Variants in SLC4A8 observed in about 807,000 individuals in gnomAD.
SLC4A8 encodes solute carrier family 4 member 8, also known as electroneutral sodium bicarbonate exchanger 1.
SLC4A8 carries 40 observed loss-of-function variants against 125.0 expected under a neutral mutation model. The ratio of observed to expected loss-of-function variants is 0.32; its 90% CI spans 0.25 to 0.42. SLC4A8 has a LOEUF of 0.42. Ranked by LOEUF, SLC4A8 falls within the 10% of genes least tolerant of loss-of-function variation. The pLI is 1.00. For synonymous variants in SLC4A8, 456 were observed against 476.0 expected (o/e 0.96, Z 0.55); for missense variants, 863 against 1,355.1 (o/e 0.64, Z 5.70).
chr12:51,463,548 C>T (rs190938664), intron 10 of SLC4A8, 66 bp from the exon 11 acceptor site: 499 of 1,241,028 alleles, frequency 4.0e-4, no homozygotes, highest in Non-Finnish European at 5.2e-4. Flanking sequence ...CATTCCCACT[C>T]CCTGCTGATA....
chr12:51,448,355 G>C (rs969150265), intron 2 of SLC4A8, among the ~76,000 whole-genome samples: 2 of 152,132 alleles, frequency 1.3e-5, no homozygotes, highest in African/African-American at 4.8e-5. Context: ...TTCAAGCCTA[G>C]GAAATTGAGA....
chr12:51,473,447 A>AT (rs1950765417), intron 14 of SLC4A8, among the ~76,000 whole-genome samples: 2 of 152,078 alleles, frequency 1.3e-5, no homozygotes, highest in African/African-American at 4.8e-5. Flanking sequence ...TTTGGAATTG[A>AT]TTTTTTTAAA....
chr12:51,425,012 C>G lies in SLC4A8; in HGVS notation c.25C>G (p.Pro9Ala). The change falls in exon 1 of 25, where the codon CCG (proline) becomes GCG (alanine). Residue 9 changes from proline to alanine, a missense_variant. By Grantham distance (27) the Pro-to-Ala change is conservative. Coordinates refer to ENST00000453097, the MANE Select transcript of SLC4A8 (RefSeq NM_001039960.3). Reference protein sequence around the residue: MPAAGSNEPDGVLSYQRPD... With the variant: MPAAGSNEADGVLSYQRPD... ...CATGCCGGCCGCCGGGAGTAACGAG[C>G]CGGACGGCGTCCTCAGCTATCAGGT... is the stretch of plus-strand genomic sequence containing the variant. The G allele has an allele frequency of 1.3e-6, 2 of 1,556,582 alleles. No individual in the cohort carries two copies. Among genetic ancestry groups the G allele is most frequent in the African/African-American group, 2.7e-5 (2 of 73,390 alleles).
At chr12:51,398,660 G>T (rs977401935) in intron 1 of SLC4A8, among the ~76,000 whole-genome samples, 7 of 152,166 alleles carry the variant, frequency 4.6e-5, no homozygotes, top group Admixed American at 4.6e-4. Flanking sequence ...TAATAAAAGG[G>T]GCTATAAACT....
intron 1 of SLC4A8, among the ~76,000 whole-genome samples, chr12:51,406,301 A>G (rs1184921785): frequency 6.6e-6 from 1 of 152,242 alleles, no homozygotes; most frequent in African/African-American, 2.4e-5. Context: ...TTCTAAGTCT[A>G]TTCACAGTTG....
At chr12:51,441,523 G>A (rs1949597407) in intron 2 of SLC4A8, among the ~76,000 whole-genome samples, 1 of 152,112 alleles carries the variant, frequency 6.6e-6, no homozygotes, top group African/African-American at 2.4e-5. Context: ...CCCACACCTG[G>A]CCATGGTTTT....
chr12:51,459,710 A>C (rs1169353916), intron 7 of SLC4A8, among the ~76,000 whole-genome samples: 1 of 152,038 alleles, frequency 6.6e-6, no homozygotes, highest in Admixed American at 6.6e-5. Context: ...TCTCTACTAA[A>C]AATACAGAAA....
intron 1 of SLC4A8, among the ~76,000 whole-genome samples, chr12:51,395,187 A>T (rs1948235179): frequency 1.3e-5 from 2 of 152,200 alleles, no homozygotes; most frequent in African/African-American, 4.8e-5. Flanking sequence ...ACCTCTCTAG[A>T]CATTGTCTCT....
chr12:51,491,721 C>A (rs1299436881), intron 19 of SLC4A8, among the ~76,000 whole-genome samples: 1 of 148,304 alleles, frequency 6.7e-6, no homozygotes, highest in Non-Finnish European at 1.5e-5. Flanking sequence ...CTTCCTCCAC[C>A]CCTGTCTGGG....
chr12:51,487,371 C>G (rs958555626), intron 17 of SLC4A8, among the ~76,000 whole-genome samples: 9 of 152,128 alleles, frequency 5.9e-5, no homozygotes, highest in African/African-American at 2.2e-4. Flanking sequence ...CCACTTAGAA[C>G]ATTGTTGTTA....
chr12:51,446,941 A>G (rs981488517), intron 2 of SLC4A8, among the ~76,000 whole-genome samples: 1 of 152,250 alleles, frequency 6.6e-6, no homozygotes, highest in Admixed American at 6.5e-5. Context: ...AGAAGAGTGC[A>G]GAATAAGAGA....
upstream of SLC4A8, among the ~76,000 whole-genome samples, chr12:51,423,048 A>G (rs1031407410): frequency 2.2e-4 from 33 of 152,214 alleles, no homozygotes; most frequent in African/African-American, 6.8e-4. Context: ...TAGGTGTTCA[A>G]TACATTTTTT....
At chr12:51,454,781 A>C (rs1004174546) in intron 5 of SLC4A8, among the ~76,000 whole-genome samples, 1 of 2,900 alleles carries the variant, frequency 3.4e-4, no homozygotes, top group Admixed American at 2.3e-3. Context: ...CTCTTGTCTC[A>C]ACTGCAAGAG....
At chr12:51,474,578 T>C in intron 15 of SLC4A8, 131 bp downstream of exon 15, 2 of 1,435,484 alleles carry the variant, frequency 1.4e-6, no homozygotes, top group African/African-American at 1.4e-5. Flanking sequence ...TAAAAAACAA[T>C]TCTTACTCAC....
chr12:51,421,476 G>C (rs1219171941), upstream of SLC4A8, among the ~76,000 whole-genome samples: 2 of 152,200 alleles, frequency 1.3e-5, no homozygotes, highest in Non-Finnish European at 2.9e-5. Flanking sequence ...CTTGACCCTG[G>C]AGTCAAGGGC....
Position 51,488,725 on chromosome 12 carries a change from T to G in SLC4A8, c.2313T>G (p.Ile771Met), listed in dbSNP as rs1231406798. 1 of 1,613,982 alleles carries G rather than the reference T, an allele frequency of 6.2e-7. No homozygotes were observed. Among genetic ancestry groups the G allele is most frequent in the South Asian group, 1.1e-5 (1 of 91,072 alleles). ...CAACAAGGGATGATCGCGGATGGAT[T>G]ATTAATCCCATTGGCCCCAATCCCT... ...FKPTRDDRGW[I>M]INPIGPNPWW... The change falls in exon 18 of 25, where the codon ATT becomes ATG. Residue 771 changes from isoleucine to methionine, a missense_variant. Physicochemically the swap from Ile to Met is conservative, Grantham distance 10. Transcript: ENST00000453097.
chr12:51,461,375 G>A, intron 9 of SLC4A8, 84 bp downstream of exon 9: 1 of 829,642 alleles, frequency 1.2e-6, no homozygotes, highest in Non-Finnish European at 2.0e-6. Context: ...GCTAGTTATT[G>A]GGGATAAAAT....
upstream of SLC4A8, among the ~76,000 whole-genome samples, chr12:51,424,066 C>CAA (rs60139804): frequency 0.36 from 38,304 of 105,996 alleles, 8,829 homozygotes; most frequent in East Asian, 0.45. Flanking sequence ...AAAAAAACAA[C>CAA]AAAAAAAAAA....
intron 1 of SLC4A8, among the ~76,000 whole-genome samples, chr12:51,418,311 G>A (rs1024849479): frequency 6.6e-6 from 1 of 152,188 alleles, no homozygotes; most frequent in Admixed American, 6.5e-5. Context: ...GGGATGGAGT[G>A]GAGGGGAATT....
Sources: gnomAD v4.1 joint callset for allele counts (sites outside exome capture counted in the v4.1 genomes callset) on GRCh38, gnomAD v4.1.1 for gene constraint, MANE v1.5 for transcripts, NCBI Gene and HGNC (gene_info 2026-07-23, HGNC 2026-07-21) for gene names.